Variants in ZFP90 observed in about 807,000 individuals in gnomAD.
ZFP90 encodes zinc finger protein 90 homolog.
A neutral mutation model predicts 60.8 loss-of-function variants in ZFP90; 38 were observed. That is an observed-to-expected ratio of 0.62 (90% CI 0.48 to 0.82). The LOEUF (loss-of-function observed/expected upper bound fraction) is 0.82, where lower values mean the gene tolerates loss of function less well. Among genes scored for constraint, ZFP90 ranks in the 40% least tolerant of loss-of-function variants. The pLI is 0.00. For missense variants in ZFP90, 711 were observed against 759.1 expected, an observed-to-expected ratio of 0.94 and a Z score of 0.74; for synonymous variants, 287 against 264.8, an observed-to-expected ratio of 1.08 and a Z score of -0.82.
chr16:68,540,712 C>T (rs1311354997), intron 2 of ZFP90, among the ~76,000 whole-genome samples: 1 of 147,200 alleles, frequency 6.8e-6, no homozygotes, highest in African/African-American at 2.5e-5. Context: ...TGGGTCACAC[C>T]TGTAAGTCCA....
downstream of ZFP90, chr16:68,567,191 C>T (rs2091541502): frequency 1.0e-6 from 1 of 982,900 alleles, no homozygotes; most frequent in South Asian, 4.7e-5. Context: ...GAGTGGTGCA[C>T]CAAGAGGGAG....
intron 2 of ZFP90, among the ~76,000 whole-genome samples, chr16:68,573,377 C>A (rs930847361): frequency 3.4e-4 from 51 of 152,172 alleles, no homozygotes; most frequent in Admixed American, 3.3e-3. Context: ...CACTTAAAAT[C>A]CCAGAACTTC....
intron 2 of ZFP90, among the ~76,000 whole-genome samples, chr16:68,552,836 G>T (rs752142076): frequency 6.6e-6 from 1 of 152,228 alleles, no homozygotes; most frequent in Non-Finnish European, 1.5e-5. Context: ...CAGGAGAACT[G>T]CTTGAGCCCA....
In ZFP90 at chr16:68,558,087, T is replaced by C. The variant is rs2091375274; in HGVS notation, c.123T>C (p.Asp41=). Reference sequence around the variant, plus strand: ...CTGCTCAGAGGAGCTTATACAGGGATGTGATGCTGGAGAACTATAGCCACC... The same window carrying C: ...CTGCTCAGAGGAGCTTATACAGGGACGTGATGCTGGAGAACTATAGCCACC... ...VDPAQRSLYR[D]VMLENYSHLV... The change falls in exon 3 of 5, where the codon GAT becomes GAC. Residue 41 remains aspartate, a synonymous_variant. Transcript: ENST00000563169. 1 of 1,613,646 alleles carries C rather than the reference T, an allele frequency of 6.2e-7. No homozygotes were observed. Among genetic ancestry groups the C allele is most frequent in the Non-Finnish European group, 8.5e-7 (1 of 1,179,906 alleles).
At chr16:68,544,572 T>G (rs2091111281) in intron 2 of ZFP90, among the ~76,000 whole-genome samples, 1 of 152,084 alleles carries the variant, frequency 6.6e-6, no homozygotes, top group African/African-American at 2.4e-5. Flanking sequence ...TGACTCTGGA[T>G]TACAGAAGCT....
chr16:68,562,052 TCTTA>T (rs1158041014), intron 4 of ZFP90: 2 of 152,232 alleles, frequency 1.3e-5, no homozygotes, highest in East Asian at 3.8e-4. Context: ...TATCAATCCA[TCTTA>T]CTTTTTGATG....
At chr16:68,553,978 G>T (rs894998876) in intron 2 of ZFP90, among the ~76,000 whole-genome samples, 2 of 152,082 alleles carry the variant, frequency 1.3e-5, no homozygotes, top group African/African-American at 4.8e-5. Context: ...AATGGACTTG[G>T]GTGGTGGGGC....
chr16:68,568,941 G>A (rs1206632900), downstream of ZFP90, among the ~76,000 whole-genome samples: 1 of 152,148 alleles, frequency 6.6e-6, no homozygotes, highest in African/African-American at 2.4e-5. Context: ...GCCTCCCAAA[G>A]TGCTGGGATT....
At chr16:68,568,725 C>G (rs1308671176), downstream of ZFP90, among the ~76,000 whole-genome samples, 2 of 152,192 alleles carry the variant, frequency 1.3e-5, no homozygotes, top group Admixed American at 6.5e-5. Flanking sequence ...GTCACCCAGG[C>G]TGGAGTGCAG....
At chr16:68,569,302 A>AT (rs2091555020), downstream of ZFP90, among the ~76,000 whole-genome samples, 1 of 151,854 alleles carries the variant, frequency 6.6e-6, no homozygotes, top group South Asian at 2.1e-4. Flanking sequence ...ATGCCCAGCT[A>AT]TTTTTTGTAT....
chr16:68,567,523 G>A (rs1485256819), downstream of ZFP90, among the ~76,000 whole-genome samples: 1 of 152,180 alleles, frequency 6.6e-6, no homozygotes, highest in Non-Finnish European at 1.5e-5. Flanking sequence ...GCTGGAAGGA[G>A]CCCTACTTTG....
At chr16:68,551,666 C>T (rs1224051272) in intron 2 of ZFP90, among the ~76,000 whole-genome samples, 5 of 152,068 alleles carry the variant, frequency 3.3e-5, no homozygotes, top group African/African-American at 1.2e-4. Context: ...CCGCCTTGGC[C>T]TCCCAAAGTG....
chr16:68,560,060 T>A (rs2091413973), intron 4 of ZFP90, among the ~76,000 whole-genome samples: 1 of 152,204 alleles, frequency 6.6e-6, no homozygotes, highest in African/African-American at 2.4e-5. Flanking sequence ...TAATTTCCAG[T>A]TGGAATAGCT....
Position 68,539,875 on chromosome 16 carries a change from C to G in ZFP90, c.33+50C>G, listed in dbSNP as rs749242461. On this transcript the variant is annotated intron_variant, in intron 2 of 4. Transcript: ENST00000563169. ...TGGGCATCCCATCCATCTATCCATC[C>G]CATCTCCCAAGGGTGTTTGGAGCAG... 6.3e-6 allele frequency: 10 copies of G among 1,591,450 alleles called. No homozygotes were observed. In the Admixed American group the frequency reaches 1.6e-4, roughly 25 times the overall value.
intron 2 of ZFP90, among the ~76,000 whole-genome samples, chr16:68,554,215 G>A (rs1169085590): frequency 4.0e-5 from 6 of 151,386 alleles, no homozygotes; most frequent in Admixed American, 2.6e-4. Context: ...TCCACCTCCC[G>A]GGTTCAAGTG....
intron 2 of ZFP90, among the ~76,000 whole-genome samples, chr16:68,540,118 A>G (rs925623472): frequency 2.0e-5 from 3 of 152,050 alleles, no homozygotes; most frequent in Non-Finnish European, 4.4e-5. Flanking sequence ...CAGTTTTTTG[A>G]ACTCTTGTCA....
At chr16:68,558,761 G>C (rs1320244666) in intron 4 of ZFP90, among the ~76,000 whole-genome samples, 193 bp downstream of exon 4, 1 of 152,078 alleles carries the variant, frequency 6.6e-6, no homozygotes, top group Non-Finnish European at 1.5e-5. Context: ...TTTTTCCTCT[G>C]GTGGCCTCTG....
chr16:68,541,978 C>G (rs1340246361), intron 2 of ZFP90, among the ~76,000 whole-genome samples: 1 of 152,176 alleles, frequency 6.6e-6, no homozygotes, highest in Non-Finnish European at 1.5e-5. Context: ...TGTGGGTTAT[C>G]TAACTCAGGC....
In ZFP90 at chr16:68,539,443, C is replaced by T; in HGVS notation, c.-72C>T. 1 of 356,936 alleles carries T rather than the reference C, an allele frequency of 2.8e-6. No homozygotes were observed. 22.1% of individuals were successfully genotyped at this position (356,936 alleles called of 1,614,324 possible). A position where few individuals can be genotyped will look rare whatever the true frequency, so the allele number is the denominator to read the frequency against. ...CCGAGGCTCTGGGTGGGCCGGAGGT[C>T]GCGAAATCCGGAGCCCCCCAGAGGC... On this transcript the variant is annotated 5_prime_UTR_variant, in exon 1 of 5. Coordinates refer to ENST00000563169, the MANE Select transcript of ZFP90 (RefSeq NM_001305203.2).
Sources: allele counts gnomAD v4.1 joint callset (sites outside exome capture counted in the v4.1 genomes callset), GRCh38; gene constraint gnomAD v4.1.1; transcripts MANE v1.5; gene names NCBI Gene and HGNC (gene_info 2026-07-23, HGNC 2026-07-21).